MACROD2: variants seen among roughly 807,000 people sequenced by gnomAD.
MACROD2 encodes mono-ADP ribosylhydrolase 2.
Under a neutral mutation model 70.4 loss-of-function variants are expected in MACROD2, and 36 were observed. The observed-to-expected ratio is 0.51, with a 90% CI of 0.39 to 0.68. The LOEUF (loss-of-function observed/expected upper bound fraction) is 0.68, where lower values mean the gene tolerates loss of function less well. Among genes scored for constraint, MACROD2 ranks in the 30% least tolerant of loss-of-function variants. The pLI is 0.00. For synonymous variants in MACROD2, 172 were observed against 178.8 expected, an observed-to-expected ratio of 0.96 and a Z score of 0.30; for missense variants, 496 against 538.4, an observed-to-expected ratio of 0.92 and a Z score of 0.78.
chr20:14,428,379 A>G (rs1330057324), intron 3 of MACROD2, among the ~76,000 whole-genome samples: 1 of 152,148 alleles, frequency 6.6e-6, no homozygotes, highest in Non-Finnish European at 1.5e-5. Flanking sequence ...CCCTCAGTCT[A>G]GTATTCAAGA....
intron 3 of MACROD2, among the ~76,000 whole-genome samples, chr20:14,199,841 G>A (rs1457358885): frequency 1.3e-5 from 2 of 152,124 alleles, no homozygotes; most frequent in East Asian, 1.9e-4. Flanking sequence ...ACAAAAATGA[G>A]ATACAGGGAA....
At chr20:14,773,077 A>G (rs1032288478) in intron 5 of MACROD2, among the ~76,000 whole-genome samples, 1 of 152,014 alleles carries the variant, frequency 6.6e-6, no homozygotes, top group African/African-American at 2.4e-5. Context: ...ATTTATCAGG[A>G]CAGAAAAATG....
At chr20:14,646,092 T>A (rs886480975) in intron 4 of MACROD2, among the ~76,000 whole-genome samples, 4 of 149,574 alleles carry the variant, frequency 2.7e-5, no homozygotes, top group Admixed American at 1.3e-4. Flanking sequence ...AGAAATAACT[T>A]GGAAAAATTT....
chr20:14,634,962 T>G (rs1984708922), intron 4 of MACROD2, among the ~76,000 whole-genome samples: 1 of 152,116 alleles, frequency 6.6e-6, no homozygotes, highest in South Asian at 2.1e-4. Flanking sequence ...TGTTCTAGTC[T>G]TCTTTGCCAG....
intron 5 of MACROD2, among the ~76,000 whole-genome samples, chr20:15,145,054 T>C (rs374911535): frequency 7.9e-5 from 12 of 152,222 alleles, no homozygotes; most frequent in African/African-American, 2.9e-4. Context: ...ACTCTAGCAA[T>C]GAAAGTTATT....
intron 8 of MACROD2, among the ~76,000 whole-genome samples, chr20:15,533,442 T>A (rs2047830361): frequency 6.6e-6 from 1 of 152,206 alleles, no homozygotes; most frequent in Non-Finnish European, 1.5e-5. Flanking sequence ...CCCATTTGTA[T>A]TACGGGGTAC....
chr20:14,861,389 A>T lies in MACROD2; in HGVS notation c.418+176430A>T, dbSNP rs2073314950. 2.0e-5 allele frequency among the ~76,000 whole-genome samples: 3 copies of T among 152,098 alleles called. No homozygotes were observed. In the South Asian group the frequency reaches 6.2e-4, roughly 32 times the overall value. On this transcript the variant is annotated intron_variant, in intron 5 of 17. Transcript: ENST00000684519. ...TCCACGTCCTAGAGATTTTGACGTA[A>T]TGACTTTTTTTTGTGGTCATCAAGA...
At chr20:15,813,785 A>G (rs1009319890) in intron 8 of MACROD2, among the ~76,000 whole-genome samples, 3 of 152,140 alleles carry the variant, frequency 2.0e-5, no homozygotes, top group African/African-American at 7.2e-5. Flanking sequence ...CCGTCTCAAA[A>G]CAACAACAAC....
chr20:14,334,249 A>G (rs916257603), intron 3 of MACROD2, among the ~76,000 whole-genome samples: 6 of 152,182 alleles, frequency 3.9e-5, no homozygotes, highest in African/African-American at 1.4e-4. Context: ...TTTTAGTGTG[A>G]TGTTTAACCA....
At chr20:14,401,945 C>T (rs2083642283) in intron 3 of MACROD2, among the ~76,000 whole-genome samples, 1 of 152,142 alleles carries the variant, frequency 6.6e-6, no homozygotes. Context: ...CCAGCTGTTA[C>T]ATTCTCTGAA....
chr20:14,907,748 C>T (rs1036728489), intron 5 of MACROD2, among the ~76,000 whole-genome samples: 1 of 151,988 alleles, frequency 6.6e-6, no homozygotes, highest in Non-Finnish European at 1.5e-5. Flanking sequence ...GGAGAATTGG[C>T]GGGGACTAGA....
intron 6 of MACROD2, among the ~76,000 whole-genome samples, chr20:15,237,085 GGGAAAACTGTCCCTCC>G (rs2077020052): frequency 6.6e-6 from 1 of 152,158 alleles, no homozygotes; most frequent in African/African-American, 2.4e-5. Flanking sequence ...AAGCCCACAT[GGGAAAACTGTCCCTCC>G]TCCCACACAA....
At chr20:14,881,197 T>C (rs1354406768) in intron 5 of MACROD2, among the ~76,000 whole-genome samples, 1 of 151,578 alleles carries the variant, frequency 6.6e-6, no homozygotes, top group East Asian at 1.9e-4. Context: ...TCCCATTCTC[T>C]TCCTGCTGGA....
chr20:16,022,512 A>C (rs2067017542), intron 15 of MACROD2, among the ~76,000 whole-genome samples: 1 of 152,226 alleles, frequency 6.6e-6, no homozygotes, highest in African/African-American at 2.4e-5. Flanking sequence ...TTTTACATGT[A>C]CAAGAATCAC....
At chr20:15,358,097 C>A (rs750313819) in intron 6 of MACROD2, among the ~76,000 whole-genome samples, 1 of 152,142 alleles carries the variant, frequency 6.6e-6, no homozygotes, top group Non-Finnish European at 1.5e-5. Context: ...GGTGAGCCAC[C>A]GCGCCCGGCC....
chr20:14,515,357 C>T (rs1359462148), intron 4 of MACROD2, among the ~76,000 whole-genome samples: 1 of 151,898 alleles, frequency 6.6e-6, no homozygotes, highest in African/African-American at 2.4e-5. Flanking sequence ...AAAGAGATAT[C>T]TGCACTCCCA....
rs150605409 is a variant in MACROD2, at chr20:14,644,039, A to G, written c.302-40804A>G. Among the ~76,000 whole-genome samples, 415 of 152,344 alleles carry G rather than the reference A, an allele frequency of 2.7e-3. 1 individual carries two copies. The highest frequency in any genetic ancestry group is 9.3e-3 in the African/African-American group (388 of 41,584). On this transcript the variant is annotated intron_variant, in intron 4 of 17. Coordinates refer to ENST00000684519, the MANE Select transcript of MACROD2 (RefSeq NM_001351661.2). Reference sequence around the variant, plus strand: ...TGTATATAAAGTACTTAGCTTGCATATAAGTGGGAAATAAATTGTAGCATT... The same window carrying G: ...TGTATATAAAGTACTTAGCTTGCATGTAAGTGGGAAATAAATTGTAGCATT...
At chr20:14,618,181 C>G (rs1983590518) in intron 4 of MACROD2, among the ~76,000 whole-genome samples, 1 of 151,978 alleles carries the variant, frequency 6.6e-6, no homozygotes, top group Non-Finnish European at 1.5e-5. Context: ...CCTATTTGCT[C>G]ATTTACTGAA....
intron 15 of MACROD2, among the ~76,000 whole-genome samples, chr20:16,016,884 A>T (rs1049843045): frequency 2.0e-5 from 3 of 152,130 alleles, no homozygotes; most frequent in African/African-American, 7.2e-5. Flanking sequence ...TATTCCCTTT[A>T]TCCCAAACAT....
Sources: gnomAD v4.1 joint callset for allele counts (sites outside exome capture counted in the v4.1 genomes callset) on GRCh38, gnomAD v4.1.1 for gene constraint, MANE v1.5 for transcripts, NCBI Gene and HGNC (gene_info 2026-07-23, HGNC 2026-07-21) for gene names.